LTV1: variants seen among roughly 807,000 people sequenced by gnomAD.
LTV1 encodes LTV1 ribosome biogenesis factor.
A neutral mutation model predicts 59.9 loss-of-function variants in LTV1; 39 were observed. The observed-to-expected ratio is 0.65, with a 90% confidence interval of 0.50 to 0.85. The LOEUF (loss-of-function observed/expected upper bound fraction) is 0.85. LTV1 is among the 40% of genes least tolerant of loss of function. The pLI, the probability that LTV1 is intolerant of heterozygous loss-of-function variation, is 0.00. For synonymous variants in LTV1, 171 were observed against 189.5 expected (o/e 0.90, Z 0.80); for missense variants, 493 against 549.1 (o/e 0.90, Z 1.02).
intron 3 of LTV1, among the ~76,000 whole-genome samples, chr6:143,849,391 G>C (rs1409748117): frequency 6.6e-6 from 1 of 152,138 alleles, no homozygotes; most frequent in Non-Finnish European, 1.5e-5. Context: ...TGAAATTTCA[G>C]GCAAGTGGAG....
In LTV1 at chr6:143,846,061, A is replaced by T; in HGVS notation, c.146A>T (p.Glu49Val). ...CCATTTCGTTTATAGATAGACAATG[A>T]AGAAAGGCGAGCAGAACAGAGGAAG... ...VLLPTQKIDN[E>V]ERRAEQRKYG... The change falls in exon 3 of 11, where the codon GAA (glutamate) becomes GTA (valine). Residue 49 changes from glutamate (E) to valine (V), a missense_variant. Physicochemically the swap from Glu to Val is moderately radical, Grantham distance 121 (BLOSUM62 -2). Coordinates refer to ENST00000367576, the MANE Select transcript of LTV1 (RefSeq NM_032860.5). 3 of 1,612,818 alleles carry T rather than the reference A, an allele frequency of 1.9e-6. No individual in the cohort carries two copies. The highest frequency in any genetic ancestry group is 2.5e-6 in the Non-Finnish European group (3 of 1,179,618).
Position 143,857,692 on chromosome 6 carries a change from T to C in LTV1, c.540-60T>C. 1 of 1,568,168 alleles carries C rather than the reference T, an allele frequency of 6.4e-7. No individual in the cohort carries two copies. The highest frequency in any genetic ancestry group is 2.2e-5 in the East Asian group (1 of 44,476). The stretch of plus-strand genomic sequence containing the variant: ...ACCTTCCAATTTTACTTGTGTAAAG[T>C]GGTTTTGTTCTGTTACTTTTTAAGT... On this transcript the variant is annotated intron_variant, in intron 5 of 10. Transcript: ENST00000367576. This position sits in a 1 kb window ranked among gnomAD's most constrained non-coding sequence, Gnocchi z 5.2.
intron 3 of LTV1, 53 bp downstream of exon 3, chr6:143,846,277 GAATC>G: frequency 1.3e-6 from 2 of 1,536,440 alleles, no homozygotes; most frequent in Non-Finnish European, 1.8e-6. Flanking sequence ...AATCATTTTT[GAATC>G]AAGATATCTG....
At chr6:143,858,326 T>C in intron 6 of LTV1, 1 of 262,086 alleles carries the variant, frequency 3.8e-6, no homozygotes, top group Admixed American at 4.7e-5. Flanking sequence ...TCAACCTGAA[T>C]GGGTAACCAA....
intron 2 of LTV1, 117 bp from the exon 3 acceptor site, chr6:143,845,934 C>A: frequency 1.2e-6 from 1 of 865,822 alleles, no homozygotes; most frequent in Non-Finnish European, 1.7e-6. Context: ...TGCCATCTGC[C>A]TCCTACTTGG....
At chr6:143,848,865 C>G (rs536109831) in intron 3 of LTV1, among the ~76,000 whole-genome samples, 15 of 152,136 alleles carry the variant, frequency 9.9e-5, no homozygotes, top group Non-Finnish European at 1.9e-4. Context: ...GTCAGGCTGC[C>G]GAGACAGTGA....
intron 4 of LTV1, among the ~76,000 whole-genome samples, chr6:143,854,666 GA>G (rs1275871521): frequency 2.0e-5 from 3 of 151,996 alleles, no homozygotes; most frequent in African/African-American, 7.3e-5. Flanking sequence ...CATTGGTTTC[GA>G]AGAACTTATT....
rs1777091098 is a variant in LTV1, at chr6:143,857,205, T to G, written c.398-98T>G. 1 of 1,373,324 alleles carries G rather than the reference T, an allele frequency of 7.3e-7. No homozygotes were observed. Among genetic ancestry groups the G allele is most frequent in the South Asian group, 1.3e-5 (1 of 75,552 alleles). The allele number at this position is 1,373,324 out of a possible 1,614,324, so 85.1% of individuals were successfully genotyped here. A position where few individuals can be genotyped will look rare whatever the true frequency, so the allele number is the denominator to read the frequency against. On this transcript the variant is annotated intron_variant, in intron 4 of 10. Coordinates refer to ENST00000367576, the MANE Select transcript of LTV1 (RefSeq NM_032860.5). The surrounding 1 kb of genome is among the most constrained non-coding windows in gnomAD (Gnocchi z 5.2). ...AATCGTTCTTTTATCCTCAATATAT[T>G]AATAGACTCTTGCTATCATAGGTCC...
rs541083089 is a variant in LTV1 at position 143,860,888 on chromosome 6, C to T, written c.923+335C>T. Among the ~76,000 whole-genome samples the T allele has an allele frequency of 3.3e-5, 5 of 151,282 alleles. No individual in the cohort carries two copies. The East Asian group carries it at 7.8e-4, about 24-fold the overall frequency. ...GAAGAGTCATGGTAGAATGTGTATT[C>T]GTTTATTAAATTTTTTTTTTTTTTT... is the stretch of plus-strand genomic sequence containing the variant. On this transcript the variant is annotated intron_variant, in intron 7 of 10. Transcript: ENST00000367576.
chr6:143,861,054 G>A (rs972153369), intron 7 of LTV1, among the ~76,000 whole-genome samples: 1 of 151,790 alleles, frequency 6.6e-6, no homozygotes, highest in African/African-American at 2.4e-5. Context: ...ACACCACCAT[G>A]CCCAGCTAAT....
In LTV1 at chr6:143,844,635, G is replaced by T; in HGVS notation, c.135+18G>T. 1 of 1,600,362 alleles carries T rather than the reference G, an allele frequency of 6.2e-7. No individual in the cohort carries two copies. Among genetic ancestry groups the T allele is most frequent in the South Asian group, 1.1e-5 (1 of 87,562 alleles). On this transcript the variant is annotated intron_variant, in intron 2 of 10. Coordinates refer to ENST00000367576, the MANE Select transcript of LTV1 (RefSeq NM_032860.5). ...CACAAAAAGTAGGTCCTGTTCTTTA[G>T]CCAGTCAGTTTGTAGGTAGACAATA...
At chr6:143,851,004 A>C (rs1776972302) in intron 4 of LTV1, among the ~76,000 whole-genome samples, 1 of 151,986 alleles carries the variant, frequency 6.6e-6, no homozygotes, top group Non-Finnish European at 1.5e-5. Flanking sequence ...TCTTAAGTAA[A>C]AGTTAGGTAG....
chr6:143,846,515 A>G (rs918505184), intron 3 of LTV1, among the ~76,000 whole-genome samples: 2 of 152,238 alleles, frequency 1.3e-5, no homozygotes, highest in Admixed American at 6.5e-5. Context: ...AGCAGCTGAC[A>G]TTCTACATGT....
intron 2 of LTV1, among the ~76,000 whole-genome samples, chr6:143,845,060 G>A (rs1449518711): frequency 6.6e-6 from 1 of 152,126 alleles, no homozygotes; most frequent in Non-Finnish European, 1.5e-5. Flanking sequence ...TGCTCAAACT[G>A]TGCTTTCTCT....
At position 143,862,318 on chromosome 6, in the gene LTV1, A is replaced by C; in HGVS notation, c.1063+75A>C. On this transcript the variant is annotated intron_variant, in intron 8 of 10. Coordinates refer to ENST00000367576, the MANE Select transcript of LTV1 (RefSeq NM_032860.5). The surrounding 1 kb of genome is among the most constrained non-coding windows in gnomAD (Gnocchi z 4.2). ...AACTTTAGGCTGGGTGCGGTGCCTC[A>C]CGCCTGTAGTAATCCCAGCACTTTG... 4.5e-6 allele frequency: 6 copies of C among 1,338,294 alleles called. No individual in the cohort carries two copies. The highest frequency in any genetic ancestry group is 1.9e-5 in the Admixed American group (1 of 51,734). The allele number at this position is 1,338,294 out of a possible 1,614,324, so 82.9% of individuals were successfully genotyped here. A position where few individuals can be genotyped will look rare whatever the true frequency, so the allele number is the denominator to read the frequency against.
intron 4 of LTV1, among the ~76,000 whole-genome samples, chr6:143,853,987 C>T (rs1322290508): frequency 6.6e-6 from 1 of 152,076 alleles, no homozygotes; most frequent in African/African-American, 2.4e-5. Flanking sequence ...GAGAGGAGTC[C>T]CTCTTTTTCT....
In LTV1 at chr6:143,843,585, C is replaced by T. The variant is rs1336996208; in HGVS notation, c.3+105C>T. 4 of 1,454,276 alleles carry T rather than the reference C, an allele frequency of 2.8e-6. No homozygotes were observed. The East Asian group carries it at 7.0e-5, about 26-fold the overall frequency. The allele number at this position is 1,454,276 out of a possible 1,614,324, so 90.1% of individuals were successfully genotyped here. A position where few individuals can be genotyped will look rare whatever the true frequency, so the allele number is the denominator to read the frequency against. On this transcript the variant is annotated intron_variant, in intron 1 of 10. Transcript: ENST00000367576. ...ACTGCGGCCCGGGTCTGGGTCATGC[C>T]AGAGGCTGCTTGCGGCACGGTACCC...
At position 143,857,255 on chromosome 6, in the gene LTV1, A is replaced by G. The variant is rs757631770; in HGVS notation, c.398-48A>G. On this transcript the variant is annotated intron_variant, in intron 4 of 10. Transcript: ENST00000367576. The surrounding 1 kb of genome is among the most constrained non-coding windows in gnomAD (Gnocchi z 5.2). ...CTTATATTGTGAGTTAAGTGAATGA[A>G]TTGTTGCTATCTTGGGAATTACTGC... The G allele has an allele frequency of 6.2e-7, 1 of 1,606,128 alleles. No homozygotes were observed. The highest frequency in any genetic ancestry group is 1.1e-5 in the South Asian group (1 of 90,228).
rs1228352978 is a variant in LTV1 at position 143,862,883 on chromosome 6, A to G, written c.1103A>G (p.Lys368Arg). ...SNLYNHPQLIKYQPKPKQIRI... is the reference protein window; with the variant it reads ...SNLYNHPQLIRYQPKPKQIRI... ...TTATATAACCATCCACAGCTTATCA[A>G]GTATCAACCAAAGGTAAGTCCTAGT... is the stretch of plus-strand genomic sequence containing the variant. The change falls in exon 9 of 11, where the codon AAG (lysine) becomes AGG (arginine). Residue 368 changes from lysine (K) to arginine (R), a missense_variant. Physicochemically the swap from Lys to Arg is conservative, Grantham distance 26. Transcript: ENST00000367576. The surrounding 1 kb of genome is among the most constrained non-coding windows in gnomAD (Gnocchi z 4.2). 3.1e-6 allele frequency: 5 copies of G among 1,596,124 alleles called. No homozygotes were observed. In the East Asian group the frequency reaches 8.9e-5, roughly 29 times the overall value.
Sources: allele counts gnomAD v4.1 joint callset (sites outside exome capture counted in the v4.1 genomes callset), GRCh38; gene constraint gnomAD v4.1.1; non-coding constraint Gnocchi (gnomAD v3.1); transcripts MANE v1.5; gene names NCBI Gene and HGNC (gene_info 2026-07-23, HGNC 2026-07-21).